Variants in NRK observed in about 807,000 individuals in gnomAD.
The protein encoded by NRK is Nik related kinase.
Under a neutral mutation model 125.2 loss-of-function variants are expected in NRK, and 67 were observed. The ratio of observed to expected loss-of-function variants is 0.54; its 90% CI spans 0.44 to 0.66. NRK has a LOEUF of 0.66. Ranked by LOEUF, NRK falls within the 30% of genes least tolerant of loss-of-function variation. The pLI is 0.00. For synonymous variants in NRK, 458 were observed against 429.0 expected, an observed-to-expected ratio of 1.07 and a Z score of -0.84; for missense variants, 1,224 against 1,192.9, an observed-to-expected ratio of 1.03 and a Z score of -0.38.
In NRK at chrX:105,953,168, G is replaced by T. The variant is rs1317465002; in HGVS notation, c.4648G>T (p.Asp1550Tyr). 1 of 1,182,739 alleles carries T rather than the reference G, an allele frequency of 8.5e-7. No homozygotes were observed. The change falls in exon 28 of 29, where the codon GAC becomes TAC. Residue 1550 changes from aspartate to tyrosine, a missense_variant. By Grantham distance (160) the Asp-to-Tyr change is radical. Transcript: ENST00000243300. Reference protein sequence around the residue: ...KKLRFLCTRGDKLFFTSTLRN... With the variant: ...KKLRFLCTRGYKLFFTSTLRN... ...GCTGAGATTCCTGTGCACCCGGGGT[G>T]ACAAGGTATAGCTTACACCCTCCAG...
chrX:105,892,426 G>C (rs1431132068), intron 5 of NRK, among the ~76,000 whole-genome samples: 1 of 111,905 alleles, frequency 8.9e-6, no homozygotes, highest in Non-Finnish European at 1.9e-5. Context: ...TAGGAAGTAA[G>C]TAAATAGCTT....
intron 16 of NRK, among the ~76,000 whole-genome samples, chrX:105,919,920 G>A (rs1196594743): frequency 1.9e-5 from 2 of 106,636 alleles, no homozygotes; most frequent in African/African-American, 6.9e-5. Flanking sequence ...TGTCAATTTT[G>A]TCTTTTGTTG....
intron 1 of NRK, among the ~76,000 whole-genome samples, chrX:105,826,342 A>G (rs2039107935): frequency 1.2e-5 from 1 of 85,987 alleles, no homozygotes; most frequent in Non-Finnish European, 2.1e-5. Context: ...TAGATAATAT[A>G]TAGTATATAC....
chrX:105,864,612 A>G (rs750338476), intron 2 of NRK, among the ~76,000 whole-genome samples: 11 of 111,277 alleles, frequency 9.9e-5, no homozygotes, highest in Non-Finnish European at 1.9e-4. Flanking sequence ...ACACATATGT[A>G]TGGTTCTCAA....
chrX:105,918,338 T>G lies in NRK; in HGVS notation c.2512+666T>G, dbSNP rs2040392556. Among the ~76,000 whole-genome samples, 3 of 111,473 alleles carry G rather than the reference T, an allele frequency of 2.7e-5. No individual in the cohort carries two copies. In the South Asian group the frequency reaches 1.1e-3, roughly 41 times the overall value. On this transcript the variant is annotated intron_variant, in intron 16 of 28. Coordinates refer to ENST00000243300, the MANE Select transcript of NRK (RefSeq NM_198465.4). ...CATGCAATCTGGCATTATCCAGTTT[T>G]AAGCAATCCAGGTAAGTTAAGCAAG...
intron 1 of NRK, among the ~76,000 whole-genome samples, chrX:105,826,050 CTCTCTCTA>C (rs2039088810): frequency 1.0e-5 from 1 of 99,187 alleles, no homozygotes; most frequent in Non-Finnish European, 2.0e-5. Context: ...CTCTCTCTCT[CTCTCTCTA>C]TATATATATA....
intron 26 of NRK, among the ~76,000 whole-genome samples, chrX:105,947,579 T>C (rs1359951613): frequency 1.8e-5 from 2 of 111,330 alleles, no homozygotes; most frequent in Non-Finnish European, 3.8e-5. Flanking sequence ...ATACAAAATA[T>C]AATTCTACTG....
rs1391856342 is a variant in NRK at position 105,958,558 on chromosome X, A to G, written c.*2958A>G. The G allele has an allele frequency of 8.9e-6, 1 of 112,367 alleles. No homozygotes were observed. Among genetic ancestry groups the G allele is most frequent in the Non-Finnish European group, 1.9e-5 (1 of 53,260 alleles). 9.3% of individuals were successfully genotyped at this position (112,367 alleles called of 1,213,427 possible). ...TCAAGACTGCTAATTGTTTCATCTG[A>G]AAGCCTACAATGAATCATTGTTCAA... On this transcript the variant is annotated 3_prime_UTR_variant, in exon 29 of 29. Transcript: ENST00000243300.
chrX:105,922,849 C>T (rs1299674957), intron 17 of NRK, among the ~76,000 whole-genome samples: 4 of 110,913 alleles, frequency 3.6e-5, no homozygotes, highest in Non-Finnish European at 7.6e-5. Flanking sequence ...GCATCAAAAG[C>T]AAGTGTCCAT....
intron 11 of NRK, among the ~76,000 whole-genome samples, 175 bp downstream of exon 11, chrX:105,906,764 CG>C (rs2040224740): frequency 1.4e-4 from 12 of 87,537 alleles, no homozygotes; most frequent in Non-Finnish European, 2.7e-4. Flanking sequence ...TTTTCTCTTG[CG>C]TGTGTGTGTG....
At chrX:105,900,038 C>T (rs1488359763) in intron 8 of NRK, among the ~76,000 whole-genome samples, 3 of 109,926 alleles carry the variant, frequency 2.7e-5, no homozygotes, top group Non-Finnish European at 3.8e-5. Context: ...TATCTCTAGC[C>T]CTGTGCCCTT....
intron 9 of NRK, among the ~76,000 whole-genome samples, chrX:105,901,810 T>C (rs761738678): frequency 5.4e-5 from 6 of 111,121 alleles, no homozygotes; most frequent in Non-Finnish European, 1.1e-4. Flanking sequence ...TGGAAAATGT[T>C]AAACAATAAG....
chrX:105,843,301 T>C (rs2147655585), intron 2 of NRK, among the ~76,000 whole-genome samples: 1 of 112,395 alleles, frequency 8.9e-6, no homozygotes, highest in Non-Finnish European at 1.9e-5. Context: ...TGTGATCTCT[T>C]TGGGACTAGC....
chrX:105,867,103 C>G (rs376516217), intron 2 of NRK, among the ~76,000 whole-genome samples: 13 of 111,505 alleles, frequency 1.2e-4, no homozygotes, highest in Non-Finnish European at 1.9e-4. Flanking sequence ...CTAAGGTTCT[C>G]TGTTAGGCAG....
At chrX:105,928,579 GA>G (rs1188145832) in intron 19 of NRK, among the ~76,000 whole-genome samples, 2 of 110,661 alleles carry the variant, frequency 1.8e-5, no homozygotes, top group Non-Finnish European at 3.8e-5. Context: ...TGCATCATTA[GA>G]TTGTTATTCA....
intron 16 of NRK, 150 bp from the exon 17 acceptor site, chrX:105,921,814 A>G: frequency 2.7e-6 from 1 of 367,873 alleles, no homozygotes; most frequent in Non-Finnish European, 4.7e-6. Flanking sequence ...CCCCATGAGA[A>G]TTTTCAGGTG....
intron 13 of NRK, 21 bp from the exon 14 acceptor site, chrX:105,912,627 A>T (rs1379001825): frequency 3.5e-6 from 3 of 847,089 alleles, no homozygotes; most frequent in Non-Finnish European, 4.9e-6. Context: ...TAAAACAATT[A>T]CTTTCCTTTT....
rs778977325 is a variant in NRK, at chrX:105,909,842, T to C, written c.2201T>C (p.Ile734Thr). The change falls in exon 13 of 29, where the codon ATC (isoleucine) becomes ACC (threonine). Residue 734 changes from isoleucine to threonine, a missense_variant. By Grantham distance (89) the Ile-to-Thr change is moderately conservative (BLOSUM62 -1). Transcript: ENST00000243300. ...RQRRQRRWED[I>T]FNQHEEELRQ... ...AGGCGCCAACGCAGATGGGAAGATA[T>C]CTTTAATCAGCATGAGGAAGAATTG... The C allele has an allele frequency of 8.6e-7, 1 of 1,159,302 alleles. No homozygotes were observed. The highest frequency in any genetic ancestry group is 1.2e-6 in the Non-Finnish European group (1 of 865,293).
chrX:105,865,041 T>C (rs1276103018), intron 2 of NRK, among the ~76,000 whole-genome samples: 1 of 111,628 alleles, frequency 9.0e-6, no homozygotes, highest in Middle Eastern at 4.2e-3. Context: ...GGGATTGTAT[T>C]TTCCCTTCAC....
Sources: gnomAD v4.1 joint callset for allele counts (sites outside exome capture counted in the v4.1 genomes callset) on GRCh38, gnomAD v4.1.1 for gene constraint, MANE v1.5 for transcripts, NCBI Gene and HGNC (gene_info 2026-07-23, HGNC 2026-07-21) for gene names.